The following MAPRE2 variants were observed in gnomAD, a reference collection of about 807,000 sequenced individuals.
MAPRE2 encodes the protein microtubule-associated protein RP/EB family member 2.
Under a neutral mutation model 43.2 loss-of-function variants are expected in MAPRE2, and 13 were observed. The ratio of observed to expected loss-of-function variants is 0.30; its 90% CI spans 0.20 to 0.48. The LOEUF (loss-of-function observed/expected upper bound fraction) is 0.48, where lower values mean the gene tolerates loss of function less well. MAPRE2 is among the 20% of genes least tolerant of loss of function. MAPRE2 has a pLI of 0.99. For synonymous variants in MAPRE2, 135 were observed against 148.8 expected, an observed-to-expected ratio of 0.91 and a Z score of 0.68; for missense variants, 161 against 400.2, an observed-to-expected ratio of 0.40 and a Z score of 5.10.
chr18:35,071,490 T>C (rs1907115215), intron 2 of MAPRE2, among the ~76,000 whole-genome samples: 2 of 152,244 alleles, frequency 1.3e-5, no homozygotes, highest in Admixed American at 6.5e-5. Context: ...GAATGTTTCC[T>C]TCCAGTAAAC....
At position 35,138,701 on chromosome 18, in the gene MAPRE2, G is replaced by A. The variant is rs73414687; in HGVS notation, c.910-1594G>A. On this transcript the variant is annotated intron_variant, in intron 6 of 6. Coordinates refer to ENST00000300249, the MANE Select transcript of MAPRE2 (RefSeq NM_014268.4). ...CTTTGATTCATTGACTAATGAAAAT[G>A]CATTGAAAATGCTCCTACATGGATA... Among the ~76,000 whole-genome samples the A allele has an allele frequency of 1.2e-3, 185 of 152,212 alleles. 1 individual carries two copies. Among genetic ancestry groups the A allele is most frequent in the African/African-American group, 4.3e-3 (179 of 41,518 alleles).
At chr18:35,108,032 T>C (rs183528072) in intron 4 of MAPRE2, among the ~76,000 whole-genome samples, 4 of 152,124 alleles carry the variant, frequency 2.6e-5, no homozygotes, top group Non-Finnish European at 5.9e-5. Context: ...AAGGGATACA[T>C]GTGCAGAACG....
chr18:35,117,660 A>G (rs945037120), intron 4 of MAPRE2, among the ~76,000 whole-genome samples: 7 of 152,032 alleles, frequency 4.6e-5, no homozygotes, highest in Non-Finnish European at 1.0e-4. Flanking sequence ...GCGAAGGGGT[A>G]CTCTAAATTA....
At chr18:35,011,628 C>G (rs2150583192) in intron 2 of MAPRE2, among the ~76,000 whole-genome samples, 1 of 152,168 alleles carries the variant, frequency 6.6e-6, no homozygotes, top group East Asian at 1.9e-4. Context: ...CAGGAAGGGA[C>G]ATGATTAGAC....
intron 4 of MAPRE2, among the ~76,000 whole-genome samples, chr18:35,116,826 A>G (rs1043967881): frequency 1.2e-4 from 18 of 152,154 alleles, no homozygotes; most frequent in African/African-American, 4.1e-4. Flanking sequence ...CATACACTCA[A>G]GGGGAGGCTA....
chr18:35,034,985 C>T (rs945244725), intron 2 of MAPRE2, among the ~76,000 whole-genome samples: 20 of 151,754 alleles, frequency 1.3e-4, no homozygotes, highest in African/African-American at 4.6e-4. Context: ...CTAGAAATAC[C>T]ATTTGACCCA....
chr18:35,081,097 G>A (rs780366566), intron 2 of MAPRE2, among the ~76,000 whole-genome samples: 16 of 152,170 alleles, frequency 1.1e-4, no homozygotes, highest in Non-Finnish European at 2.1e-4. Context: ...TTACAAAAGT[G>A]TAGAAGGAGC....
chr18:35,131,341 T>C (rs1910132404), intron 5 of MAPRE2, among the ~76,000 whole-genome samples: 1 of 152,198 alleles, frequency 6.6e-6, no homozygotes, highest in African/African-American at 2.4e-5. Flanking sequence ...TGAACAAGTA[T>C]TTCAGTCTGT....
intron 4 of MAPRE2, among the ~76,000 whole-genome samples, chr18:35,106,037 A>G (rs1205995587): frequency 6.6e-6 from 1 of 152,146 alleles, no homozygotes; most frequent in Non-Finnish European, 1.5e-5. Context: ...TTCTCTTTAT[A>G]CACAGTCTGC....
intron 2 of MAPRE2, among the ~76,000 whole-genome samples, chr18:35,016,035 A>G (rs2097038031): frequency 6.6e-6 from 1 of 151,918 alleles, no homozygotes; most frequent in Non-Finnish European, 1.5e-5. Flanking sequence ...GTTCCCACTT[A>G]TGAGAATATG....
intron 4 of MAPRE2, among the ~76,000 whole-genome samples, chr18:35,111,576 C>G (rs1275088177): frequency 6.6e-6 from 1 of 152,172 alleles, no homozygotes; most frequent in Non-Finnish European, 1.5e-5. Context: ...TGTGAGTTAA[C>G]AGGCACTTAA....
In MAPRE2 at chr18:35,140,638, CTCTTT is replaced by C. The variant is rs904450357; in HGVS notation, c.*274_*278del. On this transcript the variant is annotated 3_prime_UTR_variant, in exon 7 of 7. Transcript: ENST00000300249. ...ACTTGGCTGCTTGAGATTGGTTCTG[CTCTTT>C]TCTTCATTTCTTTCCAGAACAACTC... 4.7e-6 allele frequency: 2 copies of C among 429,156 alleles called. No homozygotes were observed. Among genetic ancestry groups the C allele is most frequent in the Non-Finnish European group, 8.4e-6 (2 of 239,392 alleles). The allele number at this position is 429,156 out of a possible 1,614,324, so 26.6% of individuals were successfully genotyped here.
At chr18:34,980,922 T>C (rs1327401638) in intron 1 of MAPRE2, among the ~76,000 whole-genome samples, 1 of 152,124 alleles carries the variant, frequency 6.6e-6, no homozygotes, top group Non-Finnish European at 1.5e-5. Context: ...ATAGCCACCA[T>C]ATTAAAAGTA....
At chr18:34,985,514 T>TTATAA (rs2097020050) in intron 1 of MAPRE2, among the ~76,000 whole-genome samples, 1 of 61,684 alleles carries the variant, frequency 1.6e-5, no homozygotes, top group African/African-American at 7.6e-5. Flanking sequence ...ATATAATATA[T>TTATAA]ATATTATATA....
chr18:35,051,170 C>T (rs1201780993), intron 1 of MAPRE2, among the ~76,000 whole-genome samples: 1 of 152,146 alleles, frequency 6.6e-6, no homozygotes, highest in Non-Finnish European at 1.5e-5. Flanking sequence ...TCCCTACCCC[C>T]ACCCCATCTC....
At chr18:35,019,690 C>T (rs1036095735) in intron 2 of MAPRE2, among the ~76,000 whole-genome samples, 3 of 151,906 alleles carry the variant, frequency 2.0e-5, no homozygotes, top group East Asian at 3.8e-4. Context: ...ATCCAACTTG[C>T]CATTGTTTGC....
chr18:35,112,641 A>G (rs1013012018), intron 4 of MAPRE2, among the ~76,000 whole-genome samples: 1 of 152,222 alleles, frequency 6.6e-6, no homozygotes, highest in African/African-American at 2.4e-5. Context: ...GGCCCAACTA[A>G]TTAAATTATT....
chr18:35,074,750 C>G (rs914467573), intron 2 of MAPRE2, among the ~76,000 whole-genome samples: 10 of 152,138 alleles, frequency 6.6e-5, no homozygotes, highest in Non-Finnish European at 7.4e-5. Flanking sequence ...CTTTGTGCAC[C>G]TTGCCTCCCT....
intron 4 of MAPRE2, among the ~76,000 whole-genome samples, chr18:35,116,120 GGAA>G (rs925110575): frequency 3.3e-4 from 51 of 152,294 alleles, no homozygotes; most frequent in African/African-American, 1.2e-3. Flanking sequence ...AGCATATATA[GGAA>G]GAACACCTGA....
Sources: allele counts gnomAD v4.1 joint callset (sites outside exome capture counted in the v4.1 genomes callset), GRCh38; gene constraint gnomAD v4.1.1; transcripts MANE v1.5; gene names NCBI Gene and HGNC (gene_info 2026-07-23, HGNC 2026-07-21).